The following SKAP1 variants were observed in gnomAD, a reference collection of about 807,000 sequenced individuals.
The protein encoded by SKAP1 is src kinase associated phosphoprotein 1.
A neutral mutation model predicts 58.5 loss-of-function variants in SKAP1; 44 were observed. The ratio of observed to expected loss-of-function variants is 0.75; its 90% CI spans 0.59 to 0.97. The LOEUF (loss-of-function observed/expected upper bound fraction) is 0.97, where lower values mean the gene tolerates loss of function less well. Among genes scored for constraint, SKAP1 ranks in the 50% least tolerant of loss-of-function variants. The pLI is 0.00. For missense variants in SKAP1, 390 were observed against 435.2 expected (o/e 0.90, Z 0.92); for synonymous variants, 127 against 149.7 (o/e 0.85, Z 1.11).
At chr17:48,203,896 T>A (rs1004666451) in intron 4 of SKAP1, 8 of 152,178 alleles carry the variant, frequency 5.3e-5, no homozygotes, top group African/African-American at 1.9e-4. Flanking sequence ...AGTAACATGA[T>A]AATAGTAATA....
At chr17:48,296,525 C>T (rs1054027104) in intron 4 of SKAP1, among the ~76,000 whole-genome samples, 1 of 152,102 alleles carries the variant, frequency 6.6e-6, no homozygotes, top group African/African-American at 2.4e-5. Context: ...TTTCAAAATA[C>T]CATATATGCT....
intron 4 of SKAP1, among the ~76,000 whole-genome samples, chr17:48,213,741 T>A (rs538855507): frequency 9.2e-5 from 14 of 152,244 alleles, no homozygotes; most frequent in African/African-American, 3.1e-4. Context: ...ACAGGAATGA[T>A]ATTTGCCACT....
At chr17:48,227,615 C>T (rs974687533) in intron 4 of SKAP1, among the ~76,000 whole-genome samples, 1 of 152,112 alleles carries the variant, frequency 6.6e-6, no homozygotes, top group African/African-American at 2.4e-5. Flanking sequence ...TTATAGAATG[C>T]AGAGAGGATT....
At chr17:48,207,885 G>C (rs375244614) in intron 4 of SKAP1, among the ~76,000 whole-genome samples, 1 of 152,322 alleles carries the variant, frequency 6.6e-6, no homozygotes. Flanking sequence ...CCTTCCACGT[G>C]GGAGGTTTTG....
intron 4 of SKAP1, among the ~76,000 whole-genome samples, chr17:48,313,394 G>A (rs981099409): frequency 1.3e-5 from 2 of 152,062 alleles, no homozygotes; most frequent in Non-Finnish European, 2.9e-5. Context: ...GTGAAGTTCT[G>A]ATATCCAATT....
intron 4 of SKAP1, among the ~76,000 whole-genome samples, chr17:48,270,184 T>C (rs1395520989): frequency 1.3e-5 from 2 of 152,168 alleles, no homozygotes; most frequent in Non-Finnish European, 2.9e-5. Context: ...TTTTAAACGA[T>C]ATGGAAAACA....
At chr17:48,191,634 C>T (rs995476388) in intron 4 of SKAP1, among the ~76,000 whole-genome samples, 1 of 152,160 alleles carries the variant, frequency 6.6e-6, no homozygotes, top group African/African-American at 2.4e-5. Flanking sequence ...ATCAAAATTA[C>T]ATTTTGCTTT....
rs1381147127 is a variant in SKAP1 at position 48,137,303 on chromosome 17, A to G, written c.1013T>C (p.Leu338Pro). ...TGGAACAATCCCAACGAGGCTGTTCAGTTCTCCCACCCACCAGCCATACAT... is the reference window on the plus strand; with the variant it reads ...TGGAACAATCCCAACGAGGCTGTTCGGTTCTCCCACCCACCAGCCATACAT... ...YNMYGWWVGELNSLVGIVPKE... is the reference protein window; with the variant it reads ...YNMYGWWVGEPNSLVGIVPKE... Residue 338 changes from leucine to proline, a missense_variant, in exon 12 of 13, where the codon CTG becomes CCG. Physicochemically the swap from Leu to Pro is moderately conservative, Grantham distance 98. Transcript: ENST00000336915. 12 of 1,613,852 alleles carry G rather than the reference A, an allele frequency of 7.4e-6. No individual in the cohort carries two copies. Among genetic ancestry groups the G allele is most frequent in the Non-Finnish European group, 1.0e-5 (12 of 1,179,762 alleles).
chr17:48,270,544 T>C (rs1468927511), intron 4 of SKAP1, among the ~76,000 whole-genome samples: 1 of 152,046 alleles, frequency 6.6e-6, no homozygotes, highest in Non-Finnish European at 1.5e-5. Context: ...GGTTTCTCCA[T>C]GTTGGCCAGG....
intron 4 of SKAP1, chr17:48,308,087 T>C (rs1598547732): frequency 1.3e-5 from 2 of 152,346 alleles, no homozygotes; most frequent in East Asian, 3.9e-4. Flanking sequence ...TCAGAGCTAA[T>C]TATGATCTAT....
At chr17:48,235,715 C>G (rs2065172778) in intron 4 of SKAP1, among the ~76,000 whole-genome samples, 1 of 152,208 alleles carries the variant, frequency 6.6e-6, no homozygotes, top group Admixed American at 6.5e-5. Flanking sequence ...CCAACTCCAA[C>G]TCACAGTGCT....
At chr17:48,178,257 G>A (rs2064318596) in intron 9 of SKAP1, among the ~76,000 whole-genome samples, 1 of 151,522 alleles carries the variant, frequency 6.6e-6, no homozygotes. Context: ...CCCGCCCCCC[G>A]ACTCCTTTGA....
chr17:48,271,362 C>CTTTT (rs35447830), intron 4 of SKAP1, among the ~76,000 whole-genome samples: 52 of 106,280 alleles, frequency 4.9e-4, no homozygotes, highest in Non-Finnish European at 6.3e-4. Context: ...TTCTTTGTTT[C>CTTTT]TTTTTTTTTT....
At chr17:48,422,232 T>A (rs1272192866) in intron 1 of SKAP1, among the ~76,000 whole-genome samples, 1 of 151,874 alleles carries the variant, frequency 6.6e-6, no homozygotes, top group African/African-American at 2.4e-5. Flanking sequence ...AAGCCTCCCA[T>A]AATGGAGAAG....
chr17:48,248,459 C>T (rs2065321817), intron 4 of SKAP1, among the ~76,000 whole-genome samples: 1 of 152,120 alleles, frequency 6.6e-6, no homozygotes, highest in African/African-American at 2.4e-5. Context: ...CCCAGCTACT[C>T]ATGAGGCTGA....
At chr17:48,233,162 A>G (rs933861537) in intron 4 of SKAP1, among the ~76,000 whole-genome samples, 5 of 152,198 alleles carry the variant, frequency 3.3e-5, no homozygotes, top group African/African-American at 1.2e-4. Context: ...TCCATCTCCA[A>G]TAGGAACTCT....
chr17:48,270,303 A>G (rs1488765467), intron 4 of SKAP1, among the ~76,000 whole-genome samples: 1 of 152,084 alleles, frequency 6.6e-6, no homozygotes, highest in East Asian at 1.9e-4. Flanking sequence ...TTTTAGCAAA[A>G]TCAAGTCAGT....
chr17:48,166,176 G>T (rs2064136773), intron 10 of SKAP1, among the ~76,000 whole-genome samples: 1 of 151,996 alleles, frequency 6.6e-6, no homozygotes, highest in African/African-American at 2.4e-5. Flanking sequence ...AGCTGAGAAG[G>T]GCTTTTTCTA....
chr17:48,201,374 C>G (rs548605742), intron 4 of SKAP1, among the ~76,000 whole-genome samples: 4 of 150,610 alleles, frequency 2.7e-5, no homozygotes, highest in South Asian at 2.1e-4. Flanking sequence ...CTCTTTCCTT[C>G]TTTCCTCTCT....
Sources: allele counts gnomAD v4.1 joint callset (sites outside exome capture counted in the v4.1 genomes callset), GRCh38; gene constraint gnomAD v4.1.1; transcripts MANE v1.5; gene names NCBI Gene and HGNC (gene_info 2026-07-23, HGNC 2026-07-21).